The following NEGR1 variants were observed in gnomAD, a reference collection of about 807,000 sequenced individuals.
NEGR1 encodes the protein neuronal growth regulator 1, also known as IgLON family member 4.
A neutral mutation model predicts 40.9 loss-of-function variants in NEGR1; 10 were observed. The ratio of observed to expected loss-of-function variants is 0.24; its 90% CI spans 0.15 to 0.42. NEGR1 has a LOEUF of 0.42. Among genes scored for constraint, NEGR1 ranks in the 10% least tolerant of loss-of-function variants. The probability of loss-of-function intolerance (pLI) is 1.00; values close to 1 mark genes in which losing one functional copy is unlikely to be tolerated. For synonymous variants in NEGR1, 185 were observed against 166.8 expected, an observed-to-expected ratio of 1.11 and a Z score of -0.84; for missense variants, 352 against 438.9, an observed-to-expected ratio of 0.80 and a Z score of 1.77.
chr1:71,615,126 C>G (rs754567258), intron 4 of NEGR1, among the ~76,000 whole-genome samples: 1 of 152,102 alleles, frequency 6.6e-6, no homozygotes, highest in African/African-American at 2.4e-5. Context: ...GAACCAAAAA[C>G]CTCTATTGAT....
chr1:71,527,869 G>A (rs1040815238), intron 6 of NEGR1, among the ~76,000 whole-genome samples: 64 of 151,466 alleles, frequency 4.2e-4, no homozygotes, highest in Non-Finnish European at 8.9e-4. Flanking sequence ...ACAAGAGAGT[G>A]AATATTGGTA....
intron 2 of NEGR1, among the ~76,000 whole-genome samples, chr1:71,784,412 A>G (rs1656839076): frequency 6.6e-6 from 1 of 152,148 alleles, no homozygotes; most frequent in African/African-American, 2.4e-5. Flanking sequence ...AAATGTAACT[A>G]ACCCTACAAG....
chr1:72,282,281 G>T, intron 1 of NEGR1, 38 bp downstream of exon 1: 1 of 1,609,892 alleles, frequency 6.2e-7, no homozygotes, highest in South Asian at 1.1e-5. Flanking sequence ...CAGAAAGATA[G>T]ACCGAAACAA....
intron 6 of NEGR1, among the ~76,000 whole-genome samples, chr1:71,485,375 G>A (rs1011900888): frequency 2.6e-5 from 4 of 151,408 alleles, no homozygotes; most frequent in Non-Finnish European, 4.4e-5. Flanking sequence ...TAGAATCCCC[G>A]ATTATCAACA....
chr1:72,208,956 G>T (rs1653503447), intron 1 of NEGR1, among the ~76,000 whole-genome samples: 2 of 151,396 alleles, frequency 1.3e-5, no homozygotes, highest in African/African-American at 4.8e-5. Context: ...AAAAAATATT[G>T]TAAGTTTCTT....
chr1:71,435,114 A>C (rs11209783), intron 6 of NEGR1, among the ~76,000 whole-genome samples: 140,509 of 149,014 alleles, frequency 0.94, 66,457 homozygotes, highest in Non-Finnish European at 0.98. Context: ...AACAAACAAA[A>C]AAAAAAAAAA....
chr1:72,260,512 T>C lies in NEGR1; in HGVS notation c.176+21807A>G, dbSNP rs72942912. Among the ~76,000 whole-genome samples, 1,398 of 152,212 alleles carry C rather than the reference T, an allele frequency of 9.2e-3. 22 individuals are homozygous for C. The highest frequency in any genetic ancestry group is 0.032 in the African/African-American group (1,311 of 41,554). ...AAACCATTCTATAAAATATGCACTATTGGCACATAGGGTTAAGCACTTTGT... is the reference window on the plus strand; with the variant it reads ...AAACCATTCTATAAAATATGCACTACTGGCACATAGGGTTAAGCACTTTGT... On this transcript the variant is annotated intron_variant, in intron 1 of 6. Transcript: ENST00000357731.
intron 1 of NEGR1, among the ~76,000 whole-genome samples, chr1:71,995,244 GTTATCTTCCCT>G (rs1281683522): frequency 1.3e-5 from 2 of 152,028 alleles, no homozygotes; most frequent in Non-Finnish European, 2.9e-5. Flanking sequence ...GCTTCGCTTG[GTTATCTTCCCT>G]TGTCTTTAGC....
At chr1:71,922,864 G>A (rs529532493) in intron 2 of NEGR1, among the ~76,000 whole-genome samples, 9 of 152,266 alleles carry the variant, frequency 5.9e-5, no homozygotes, top group African/African-American at 1.9e-4. Context: ...GTGTTAAATA[G>A]ATGAAGACAG....
chr1:72,223,637 T>C (rs985010306), intron 1 of NEGR1, among the ~76,000 whole-genome samples: 3 of 152,098 alleles, frequency 2.0e-5, no homozygotes, highest in African/African-American at 7.2e-5. Context: ...TCTATACAAG[T>C]TATAACACTA....
At chr1:72,261,411 T>C (rs1339766192) in intron 1 of NEGR1, among the ~76,000 whole-genome samples, 1 of 152,114 alleles carries the variant, frequency 6.6e-6, no homozygotes, top group African/African-American at 2.4e-5. Flanking sequence ...TGCAGAACAC[T>C]GGTTTAAAGA....
At chr1:72,156,901 T>C (rs969205912) in intron 1 of NEGR1, among the ~76,000 whole-genome samples, 2 of 152,090 alleles carry the variant, frequency 1.3e-5, no homozygotes, top group African/African-American at 4.8e-5. Context: ...TTACTCATTC[T>C]ATTCTATATA....
intron 2 of NEGR1, chr1:71,794,223 G>C (rs949770924): frequency 6.6e-6 from 1 of 152,042 alleles, no homozygotes; most frequent in Non-Finnish European, 1.5e-5. Context: ...ATCTATAAAT[G>C]TGATACAATT....
At chr1:72,265,467 A>G (rs151137368) in intron 1 of NEGR1, among the ~76,000 whole-genome samples, 1,890 of 151,082 alleles carry the variant, frequency 0.013, 39 homozygotes, top group African/African-American at 0.044. Context: ...ATTTGAGCCT[A>G]AAGTATGTAA....
intron 3 of NEGR1, 139 bp from the exon 4 acceptor site, chr1:71,698,278 T>C (rs895422218): frequency 2.7e-6 from 2 of 742,440 alleles, no homozygotes; most frequent in African/African-American, 3.6e-5. Context: ...AACCTTTTGT[T>C]CTTCTATGTT....
At chr1:72,159,646 A>G (rs563767502) in intron 1 of NEGR1, among the ~76,000 whole-genome samples, 5 of 152,300 alleles carry the variant, frequency 3.3e-5, no homozygotes, top group African/African-American at 9.6e-5. Flanking sequence ...TTGCTTAGAC[A>G]TTAAGTATTC....
At chr1:72,110,196 A>G (rs1649298554) in intron 1 of NEGR1, among the ~76,000 whole-genome samples, 1 of 145,786 alleles carries the variant, frequency 6.9e-6, no homozygotes, top group African/African-American at 2.6e-5. Flanking sequence ...CAATGTGCAC[A>G]TGTACCCTAA....
intron 1 of NEGR1, among the ~76,000 whole-genome samples, chr1:72,114,602 C>G (rs1305444738): frequency 6.6e-6 from 1 of 151,718 alleles, no homozygotes; most frequent in Non-Finnish European, 1.5e-5. Context: ...GACCCATACA[C>G]TGAGAATTAA....
At chr1:71,526,189 T>G (rs1050648175) in intron 6 of NEGR1, among the ~76,000 whole-genome samples, 13 of 151,632 alleles carry the variant, frequency 8.6e-5, no homozygotes, top group Admixed American at 2.0e-4. Context: ...TTCATTATAT[T>G]CAGGCATATT....
Sources: allele counts gnomAD v4.1 joint callset (sites outside exome capture counted in the v4.1 genomes callset), GRCh38; gene constraint gnomAD v4.1.1; transcripts MANE v1.5; gene names NCBI Gene and HGNC (gene_info 2026-07-23, HGNC 2026-07-21).